RSU1: variants seen among roughly 807,000 people sequenced by gnomAD.
RSU1 encodes rsu-1.
Under a neutral mutation model 31.1 loss-of-function variants are expected in RSU1, and 26 were observed. That is an observed-to-expected ratio of 0.84 (90% CI 0.61 to 1.16). RSU1 has a LOEUF of 1.16. RSU1 is among the 50% of genes most tolerant of loss of function. The pLI is 0.00. For missense variants in RSU1, 320 were observed against 339.1 expected (o/e 0.94, Z 0.44); for synonymous variants, 164 against 136.3 (o/e 1.20, Z -1.41).
chr10:16,799,172 T>C (rs1588543545), intron 2 of RSU1, among the ~76,000 whole-genome samples: 2 of 152,180 alleles, frequency 1.3e-5, no homozygotes, highest in South Asian at 2.1e-4. Context: ...GTTCAAATTC[T>C]AAAAAGCAGG....
chr10:16,779,493 A>T (rs1837607048), intron 3 of RSU1, among the ~76,000 whole-genome samples: 1 of 152,180 alleles, frequency 6.6e-6, no homozygotes, highest in African/African-American at 2.4e-5. Context: ...GTGTCCCCAA[A>T]TCAATGTCCC....
intron 7 of RSU1, among the ~76,000 whole-genome samples, chr10:16,731,429 CAAA>C (rs61458512): frequency 1.0e-5 from 1 of 95,518 alleles, no homozygotes; most frequent in African/African-American, 3.2e-5. Context: ...CACTCCGTCT[CAAA>C]AAAAAAAAAA....
rs184459272 is a variant in RSU1, at chr10:16,648,336, T to C, written c.731+46687A>G. ...TTCCATCTCACAAAGAATGATCATT[T>C]TGGGGAAACTAAGGCAGTTCAAAGG... On this transcript the variant is annotated intron_variant, in intron 8 of 8. Coordinates refer to ENST00000345264, the MANE Select transcript of RSU1 (RefSeq NM_012425.4). Among the ~76,000 whole-genome samples the C allele has an allele frequency of 1.6e-4, 24 of 152,256 alleles. No homozygotes were observed. In the East Asian group the frequency reaches 4.1e-3, roughly 26 times the overall value.
intron 8 of RSU1, among the ~76,000 whole-genome samples, chr10:16,675,125 G>C (rs1368180218): frequency 6.7e-6 from 1 of 148,150 alleles, no homozygotes; most frequent in Non-Finnish European, 1.5e-5. Context: ...AGAATCGCTT[G>C]AATCCAGGAG....
At chr10:16,608,694 T>C (rs1350506178) in intron 8 of RSU1, among the ~76,000 whole-genome samples, 1 of 151,626 alleles carries the variant, frequency 6.6e-6, no homozygotes, top group Non-Finnish European at 1.5e-5. Context: ...CAACAGGAGA[T>C]GAGACTTTGA....
At chr10:16,784,697 A>G (rs1397722819) in intron 2 of RSU1, among the ~76,000 whole-genome samples, 2 of 152,272 alleles carry the variant, frequency 1.3e-5, no homozygotes, top group African/African-American at 2.4e-5. Context: ...CTTACATGGC[A>G]GCAAGTAAGA....
At chr10:16,655,261 G>A (rs1476916200) in intron 8 of RSU1, among the ~76,000 whole-genome samples, 2 of 152,040 alleles carry the variant, frequency 1.3e-5, no homozygotes, top group Admixed American at 6.6e-5. Context: ...ACAAGAAAGG[G>A]ATAAAGGCAA....
intron 2 of RSU1, among the ~76,000 whole-genome samples, chr10:16,796,616 A>G (rs770786391): frequency 9.9e-5 from 15 of 152,194 alleles, no homozygotes; most frequent in Non-Finnish European, 1.6e-4. Flanking sequence ...TGTTCATCAC[A>G]ATGATCATTT....
Position 16,654,361 on chromosome 10 carries a change from C to CAAAAAA in RSU1, c.731+40656_731+40661dup, listed in dbSNP as rs536600415. Among the ~76,000 whole-genome samples the CAAAAAA allele has an allele frequency of 9.6e-3, 883 of 92,150 alleles. 12 individuals are homozygous for CAAAAAA. Among genetic ancestry groups the CAAAAAA allele is most frequent in the African/African-American group, 0.032 (845 of 26,390 alleles). 60.5% of individuals were successfully genotyped at this position (92,150 alleles called of 152,430 possible). A position where few individuals can be genotyped will look rare whatever the true frequency, so the allele number is the denominator to read the frequency against. ...GGTTTGTTGCCTACACCTAAATTTG[C>CAAAAAA]AAAAAAAAAAAAAAAAAAAGGAAAT... On this transcript the variant is annotated intron_variant, in intron 8 of 8. Coordinates refer to ENST00000345264, the MANE Select transcript of RSU1 (RefSeq NM_012425.4).
At chr10:16,714,608 G>A (rs1306504210) in intron 7 of RSU1, among the ~76,000 whole-genome samples, 1 of 152,044 alleles carries the variant, frequency 6.6e-6, no homozygotes, top group Non-Finnish European at 1.5e-5. Flanking sequence ...CCTGGGGGGT[G>A]GGGGGATGTG....
At chr10:16,740,359 C>G (rs890031026) in intron 7 of RSU1, among the ~76,000 whole-genome samples, 4 of 152,070 alleles carry the variant, frequency 2.6e-5, no homozygotes, top group African/African-American at 9.7e-5. Context: ...TAAAATCTGA[C>G]AAGGTTTACA....
At chr10:16,635,971 G>A (rs1490112630) in intron 8 of RSU1, among the ~76,000 whole-genome samples, 1 of 152,140 alleles carries the variant, frequency 6.6e-6, no homozygotes, top group Non-Finnish European at 1.5e-5. Flanking sequence ...TTGGTTTCCA[G>A]GACACTGCGC....
intron 2 of RSU1, among the ~76,000 whole-genome samples, chr10:16,803,375 G>T (rs1456819631): frequency 2.0e-5 from 3 of 152,054 alleles, no homozygotes; most frequent in African/African-American, 7.2e-5. Flanking sequence ...TAAACAATGA[G>T]ATACTTCAGG....
At chr10:16,792,898 C>T (rs560589331) in intron 2 of RSU1, among the ~76,000 whole-genome samples, 1 of 152,224 alleles carries the variant, frequency 6.6e-6, no homozygotes, top group Non-Finnish European at 1.5e-5. Context: ...CACCGGGCAG[C>T]AATGCTGACC....
chr10:16,801,847 C>G (rs1175837511), intron 2 of RSU1, among the ~76,000 whole-genome samples: 1 of 151,928 alleles, frequency 6.6e-6, no homozygotes, highest in Non-Finnish European at 1.5e-5. Context: ...GAAAATACTA[C>G]TTATCAGAAT....
intron 8 of RSU1, among the ~76,000 whole-genome samples, chr10:16,654,535 T>A (rs1834739987): frequency 6.6e-6 from 1 of 151,414 alleles, no homozygotes; most frequent in African/African-American, 2.4e-5. Context: ...CTGGGCATGG[T>A]GGCGTGTGCC....
chr10:16,712,658 T>C (rs1020666966), intron 7 of RSU1, among the ~76,000 whole-genome samples: 1 of 152,116 alleles, frequency 6.6e-6, no homozygotes, highest in East Asian at 1.9e-4. Context: ...TTATTTATTA[T>C]ATATTTGTAG....
At chr10:16,715,547 T>C (rs1201228149) in intron 7 of RSU1, among the ~76,000 whole-genome samples, 1 of 152,266 alleles carries the variant, frequency 6.6e-6, no homozygotes, top group African/African-American at 2.4e-5. Context: ...CACTTCATCA[T>C]TTCTTAACAA....
At position 16,668,486 on chromosome 10, in the gene RSU1, T is replaced by G. The variant is rs533851459; in HGVS notation, c.731+26537A>C. On this transcript the variant is annotated intron_variant, in intron 8 of 8. Transcript: ENST00000345264. ...CATTTAATCATTTTGGAACTCAATT[T>G]CATCATCTAAAAAGTAACAAGGAAA... Among the ~76,000 whole-genome samples the G allele has an allele frequency of 2.0e-5, 3 of 152,326 alleles. No individual in the cohort carries two copies. In the East Asian group the frequency reaches 5.8e-4, roughly 29 times the overall value.
Sources: gnomAD v4.1 joint callset for allele counts (sites outside exome capture counted in the v4.1 genomes callset) on GRCh38, gnomAD v4.1.1 for gene constraint, MANE v1.5 for transcripts, NCBI Gene and HGNC (gene_info 2026-07-23, HGNC 2026-07-21) for gene names.